Variants in DPP6 observed in about 807,000 individuals in gnomAD.
The protein encoded by DPP6 is A-type potassium channel modulatory protein DPP6.
DPP6 carries 69 observed loss-of-function variants against 122.6 expected under a neutral mutation model. That is an observed-to-expected ratio of 0.56 (90% CI 0.46 to 0.69). The LOEUF is 0.69. DPP6 is among the 30% of genes least tolerant of loss of function. DPP6 has a pLI of 0.00. For missense variants in DPP6, 928 were observed against 1,116.9 expected (o/e 0.83, Z 2.41); for synonymous variants, 418 against 433.1 (o/e 0.97, Z 0.43).
In DPP6 at chr7:154,310,872, T is replaced by C. The variant is rs571205878; in HGVS notation, c.244-135342T>C. Among the ~76,000 whole-genome samples, 3 of 152,316 alleles carry C rather than the reference T, an allele frequency of 2.0e-5. No homozygotes were observed. The South Asian group carries it at 6.2e-4, about 32-fold the overall frequency. On this transcript the variant is annotated intron_variant, in intron 1 of 25. Coordinates refer to ENST00000377770, the MANE Select transcript of DPP6 (RefSeq NM_130797.4). ...GGAATTGTAGCGTTATTATCTTTTA[T>C]GGAAATGAGCTGTGCCTGTGTTTGG... is the stretch of plus-strand genomic sequence containing the variant.
chr7:153,763,339 T>C, the DPP6 span, among the ~76,000 whole-genome samples: 2 of 149,586 alleles, frequency 1.3e-5, no homozygotes, highest in Non-Finnish European at 1.5e-5. Flanking sequence ...TATAAGCCTC[T>C]TTGCATTCTT....
chr7:154,485,599 A>G (rs1196298375), intron 3 of DPP6, among the ~76,000 whole-genome samples: 1 of 152,200 alleles, frequency 6.6e-6, no homozygotes, highest in Admixed American at 6.5e-5. Flanking sequence ...TAAGACAATT[A>G]TTTGCTTAAA....
At chr7:153,894,543 C>T (rs1799330564) in intron 1 of DPP6, among the ~76,000 whole-genome samples, 1 of 152,160 alleles carries the variant, frequency 6.6e-6, no homozygotes, top group South Asian at 2.1e-4. Flanking sequence ...TGGCTCTTGG[C>T]AATGGCTGAA....
chr7:154,836,504 G>A (rs932049823), intron 16 of DPP6, among the ~76,000 whole-genome samples: 4 of 152,274 alleles, frequency 2.6e-5, no homozygotes, highest in East Asian at 1.9e-4. Context: ...GCGGCTGTTC[G>A]AATTATATTT....
Position 154,241,185 on chromosome 7 carries a change from A to ATGCG in DPP6, c.243+188124_243+188125insCGTG, listed in dbSNP as rs34454400. 0.013 allele frequency among the ~76,000 whole-genome samples: 1,827 copies of ATGCG among 136,274 alleles called. 24 individuals are homozygous for ATGCG. The highest frequency in any genetic ancestry group is 0.015 in the African/African-American group (530 of 35,776). 89.4% of individuals were successfully genotyped at this position (136,274 alleles called of 152,430 possible). A position where few individuals can be genotyped will look rare whatever the true frequency, so the allele number is the denominator to read the frequency against. ...GCACAGTAGGTAATTCAATATCAAT[A>ATGCG]TGTGTGTGTGTGTGTGTGTGTGTGT... On this transcript the variant is annotated intron_variant, in intron 1 of 25. Coordinates refer to ENST00000377770, the MANE Select transcript of DPP6 (RefSeq NM_130797.4). The surrounding 1 kb of genome is among the most constrained non-coding windows in gnomAD (Gnocchi z 9.0).
At chr7:153,847,717 G>A in the DPP6 span, among the ~76,000 whole-genome samples, 291 of 152,250 alleles carry the variant, frequency 1.9e-3, 2 homozygotes, top group African/African-American at 6.7e-3. Flanking sequence ...AATCTAAATT[G>A]TCTTCCTCTG....
At chr7:154,682,548 CGTG>C (rs1304049172) in intron 7 of DPP6, among the ~76,000 whole-genome samples, 1 of 152,176 alleles carries the variant, frequency 6.6e-6, no homozygotes, top group African/African-American at 2.4e-5. Context: ...GGTTGTTAAA[CGTG>C]GAGACAGAGA....
intron 3 of DPP6, among the ~76,000 whole-genome samples, chr7:154,487,877 G>A (rs1586429298): frequency 6.6e-6 from 1 of 152,004 alleles, no homozygotes; most frequent in Non-Finnish European, 1.5e-5. Context: ...ACTGAGCACC[G>A]TCCCCTGTGA....
At chr7:154,336,221 A>T (rs1177991124) in intron 1 of DPP6, among the ~76,000 whole-genome samples, 1 of 152,126 alleles carries the variant, frequency 6.6e-6, no homozygotes, top group Admixed American at 6.5e-5. Flanking sequence ...CAGACTTAGC[A>T]ACCTGGAAGG....
At chr7:154,364,795 T>C (rs1812016504) in intron 1 of DPP6, among the ~76,000 whole-genome samples, 1 of 152,192 alleles carries the variant, frequency 6.6e-6, no homozygotes, top group Non-Finnish European at 1.5e-5. Context: ...AACTTTTGCA[T>C]TGGATGATGT....
chr7:154,455,774 G>A (rs1473005586), intron 2 of DPP6, among the ~76,000 whole-genome samples: 1 of 152,146 alleles, frequency 6.6e-6, no homozygotes, highest in African/African-American at 2.4e-5. Context: ...ATAAGCTAAG[G>A]CAAATGGGTC....
chr7:154,017,590 C>T (rs1027145323), intron 1 of DPP6, among the ~76,000 whole-genome samples: 8 of 151,522 alleles, frequency 5.3e-5, no homozygotes. Flanking sequence ...GTCCCAGCTA[C>T]TCAGGAGGCT....
chr7:154,146,604 G>A (rs1211430900), intron 1 of DPP6, among the ~76,000 whole-genome samples: 1 of 152,238 alleles, frequency 6.6e-6, no homozygotes, highest in African/African-American at 2.4e-5. Context: ...GAGGGCAATT[G>A]TCTGGCTCAG....
At chr7:154,507,157 G>C (rs1825726498) in intron 3 of DPP6, among the ~76,000 whole-genome samples, 1 of 152,176 alleles carries the variant, frequency 6.6e-6, no homozygotes, top group Admixed American at 6.6e-5. Flanking sequence ...ACTTTAAGTT[G>C]AGTGATGGAA....
chr7:154,883,168 C>T (rs1451289069), intron 21 of DPP6, among the ~76,000 whole-genome samples: 6 of 138,694 alleles, frequency 4.3e-5, no homozygotes, highest in Non-Finnish European at 9.3e-5. Context: ...CACACATTCA[C>T]ACACATACAC....
At chr7:154,009,489 C>T (rs372598740) in intron 1 of DPP6, among the ~76,000 whole-genome samples, 14,083 of 148,440 alleles carry the variant, frequency 0.095, 909 homozygotes, top group African/African-American at 0.21. Context: ...TGATGCTTCA[C>T]CCTGGCTCCA....
intron 1 of DPP6, among the ~76,000 whole-genome samples, chr7:154,309,608 A>C (rs1263191406): frequency 5.9e-5 from 9 of 152,240 alleles, no homozygotes. Context: ...TGCAGTAGAT[A>C]CTGAAAGAGA....
At chr7:153,846,724 G>T in the DPP6 span, among the ~76,000 whole-genome samples, 2 of 119,512 alleles carry the variant, frequency 1.7e-5, no homozygotes, top group African/African-American at 3.4e-5. Context: ...ACAGAGTCTC[G>T]CTCTGTTACC....
chr7:154,882,177 CT>C (rs2150674316), intron 21 of DPP6, among the ~76,000 whole-genome samples: 1 of 152,292 alleles, frequency 6.6e-6, no homozygotes, highest in East Asian at 1.9e-4. Context: ...GAGAGGCTTT[CT>C]CAACAGGCAG....
Sources: allele counts gnomAD v4.1 joint callset (sites outside exome capture counted in the v4.1 genomes callset), GRCh38; gene constraint gnomAD v4.1.1; non-coding constraint Gnocchi (gnomAD v3.1); transcripts MANE v1.5; gene names NCBI Gene and HGNC (gene_info 2026-07-23, HGNC 2026-07-21).